The following JMJD1C variants were observed in gnomAD, a reference collection of about 807,000 sequenced individuals.
JMJD1C encodes the protein jumonji domain-containing protein 1C.
In JMJD1C, 31 loss-of-function variants were observed where a neutral mutation model predicts 245.3. The observed-to-expected ratio is 0.13, with a 90% CI of 0.09 to 0.17. The LOEUF (loss-of-function observed/expected upper bound fraction) is 0.17, where lower values mean the gene tolerates loss of function less well. Ranked by LOEUF, JMJD1C falls within the 10% of genes least tolerant of loss-of-function variation. The pLI is 1.00. For missense variants in JMJD1C, 2,691 were observed against 3,000.2 expected (o/e 0.90, Z 2.41); for synonymous variants, 1,057 against 1,017.4 (o/e 1.04, Z -0.74).
chr10:63,483,647 T>C (rs769248498), intron 1 of JMJD1C, among the ~76,000 whole-genome samples: 21 of 152,196 alleles, frequency 1.4e-4, no homozygotes, highest in Non-Finnish European at 2.8e-4. Context: ...TTTTGAAAAC[T>C]TCACAAAAAG....
At chr10:63,355,579 A>T (rs1275690740) in intron 2 of JMJD1C, among the ~76,000 whole-genome samples, 2 of 152,210 alleles carry the variant, frequency 1.3e-5, no homozygotes, top group Non-Finnish European at 2.9e-5. Context: ...AAGAGAAAAA[A>T]TTGAGCAGTA....
At chr10:63,319,478 T>C (rs932793107) in intron 2 of JMJD1C, among the ~76,000 whole-genome samples, 2 of 152,020 alleles carry the variant, frequency 1.3e-5, no homozygotes, top group Admixed American at 1.3e-4. Flanking sequence ...TGAACTCCTT[T>C]TAATCTGAAA....
intron 1 of JMJD1C, among the ~76,000 whole-genome samples, chr10:63,485,479 T>A (rs1953965022): frequency 6.6e-6 from 1 of 152,208 alleles, no homozygotes; most frequent in Non-Finnish European, 1.5e-5. Context: ...TCCCCTTCAA[T>A]GCTTTGTTTC....
rs576029420 is a variant in JMJD1C at position 63,328,387 on chromosome 10, T to C, written c.333+51931A>G. 6.6e-5 allele frequency among the ~76,000 whole-genome samples: 10 copies of C among 152,284 alleles called. No homozygotes were observed. The East Asian group carries it at 9.6e-4, about 15-fold the overall frequency. The stretch of plus-strand genomic sequence containing the variant: ...GGGGAAAAAGCTGGCAATATGTTGA[T>C]AACCTTTGATTTTGCATATACTTAA... On this transcript the variant is annotated intron_variant, in intron 2 of 25. Transcript: ENST00000399262.
chr10:63,349,624 A>G (rs1219527495), intron 2 of JMJD1C, among the ~76,000 whole-genome samples: 1 of 152,232 alleles, frequency 6.6e-6, no homozygotes, highest in Non-Finnish European at 1.5e-5. Context: ...CTCTGATTGC[A>G]ACCAATGGAA....
intron 2 of JMJD1C, chr10:63,301,917 G>A (rs988792422): frequency 7.2e-6 from 2 of 275,936 alleles, no homozygotes; most frequent in Non-Finnish European, 1.5e-5. Flanking sequence ...ACTATGACGT[G>A]GAAACCAATC....
intron 2 of JMJD1C, among the ~76,000 whole-genome samples, chr10:63,292,165 C>A (rs1858855083): frequency 1.7e-4 from 1 of 5,948 alleles, no homozygotes. Context: ...TTTTTTTTTG[C>A]CTAGGCTGGT....
chr10:63,370,823 GA>G (rs1946254797), intron 2 of JMJD1C, among the ~76,000 whole-genome samples: 1 of 152,106 alleles, frequency 6.6e-6, no homozygotes, highest in South Asian at 2.1e-4. Flanking sequence ...TAACTCATTT[GA>G]AGAAGACTAC....
intron 12 of JMJD1C, among the ~76,000 whole-genome samples, 186 bp downstream of exon 12, chr10:63,198,327 T>C (rs1484438787): frequency 6.6e-6 from 1 of 152,236 alleles, no homozygotes; most frequent in Non-Finnish European, 1.5e-5. Context: ...CACAAATGGT[T>C]AATTGACTCA....
chr10:63,300,467 C>T (rs527944723), intron 2 of JMJD1C, among the ~76,000 whole-genome samples: 2 of 152,236 alleles, frequency 1.3e-5, no homozygotes, highest in Middle Eastern at 3.4e-3. Context: ...AATGTTCTAT[C>T]ACAGGAAGAA....
intron 1 of JMJD1C, among the ~76,000 whole-genome samples, chr10:63,401,078 CAA>C (rs1213073953): frequency 3.9e-5 from 6 of 152,300 alleles, no homozygotes; most frequent in Admixed American, 2.0e-4. Flanking sequence ...AGGCTGGTCT[CAA>C]ACTCTTCACC....
At chr10:63,282,144 G>A (rs1409879290) in intron 2 of JMJD1C, among the ~76,000 whole-genome samples, 1 of 152,026 alleles carries the variant, frequency 6.6e-6, no homozygotes, top group Non-Finnish European at 1.5e-5. Context: ...TCTGTTTCTT[G>A]TGCAGTATAA....
intron 18 of JMJD1C, among the ~76,000 whole-genome samples, chr10:63,187,836 T>A (rs1049637873): frequency 6.6e-5 from 10 of 152,212 alleles, no homozygotes; most frequent in African/African-American, 2.4e-4. Context: ...AAAATGTCAA[T>A]TTGATTATAC....
intron 1 of JMJD1C, among the ~76,000 whole-genome samples, chr10:63,441,436 C>CA (rs1405062020): frequency 6.6e-6 from 1 of 152,174 alleles, no homozygotes; most frequent in Non-Finnish European, 1.5e-5. Flanking sequence ...AATGAACTTA[C>CA]AAAGTTTCCA....
At chr10:63,240,590 G>A (rs1217673946) in intron 3 of JMJD1C, among the ~76,000 whole-genome samples, 7 of 152,106 alleles carry the variant, frequency 4.6e-5, no homozygotes, top group South Asian at 2.1e-4. Context: ...TAGATATAAC[G>A]GTTCACATTA....
intron 2 of JMJD1C, among the ~76,000 whole-genome samples, chr10:63,340,681 A>T (rs781675780): frequency 4.9e-4 from 74 of 152,134 alleles, no homozygotes; most frequent in Non-Finnish European, 8.8e-4. Context: ...GCAGTGGCTC[A>T]CCCCTGTAAT....
chr10:63,276,418 A>G (rs957704525), intron 2 of JMJD1C, among the ~76,000 whole-genome samples: 1 of 141,530 alleles, frequency 7.1e-6, no homozygotes, highest in Non-Finnish European at 1.5e-5. Context: ...GTGAGCCGAG[A>G]CCCCGCCACT....
intron 2 of JMJD1C, chr10:63,269,052 C>T (rs775243319): frequency 3.0e-6 from 3 of 985,436 alleles, no homozygotes; most frequent in Non-Finnish European, 3.6e-6. Context: ...ACTGCATCCT[C>T]CGATCTGGGT....
At position 63,167,287 on chromosome 10, in the gene JMJD1C, A is replaced by G. The variant is rs1312122997; in HGVS notation, c.*758T>C. On this transcript the variant is annotated 3_prime_UTR_variant, in exon 26 of 26. Coordinates refer to ENST00000399262, the MANE Select transcript of JMJD1C (RefSeq NM_032776.3). ...CCTTTCAACTTTAATGTACAAAGCC[A>G]TATGTAACACTTGCACTTTAACAAA... The G allele has an allele frequency of 6.6e-6, 1 of 152,608 alleles. No homozygotes were observed. The highest frequency in any genetic ancestry group is 2.4e-5 in the African/African-American group (1 of 41,450). The allele number at this position is 152,608 out of a possible 1,614,324, so 9.5% of individuals were successfully genotyped here. A position where few individuals can be genotyped will look rare whatever the true frequency, so the allele number is the denominator to read the frequency against.
Sources: allele counts gnomAD v4.1 joint callset (sites outside exome capture counted in the v4.1 genomes callset), GRCh38; gene constraint gnomAD v4.1.1; transcripts MANE v1.5; gene names NCBI Gene and HGNC (gene_info 2026-07-23, HGNC 2026-07-21).